The following MAP2 variants were observed in gnomAD, a reference collection of about 807,000 sequenced individuals.
The protein encoded by MAP2 is microtubule associated protein 2.
Under a neutral mutation model 137.6 loss-of-function variants are expected in MAP2, and 14 were observed. The ratio of observed to expected loss-of-function variants is 0.10; its 90% CI spans 0.07 to 0.16. MAP2 has a LOEUF of 0.16. MAP2 is among the 10% of genes least tolerant of loss of function. The pLI is 1.00. For missense variants in MAP2, 2,088 were observed against 2,191.5 expected (o/e 0.95, Z 0.94); for synonymous variants, 786 against 782.3 (o/e 1.00, Z -0.08).
chr2:209,693,148 A>G lies in MAP2; in HGVS notation c.978A>G (p.Leu326=). ...PFQGGSFTLP[L]DVMKNEIVTE... The stretch of plus-strand genomic sequence containing the variant: ...AAGGGGGAAGCTTCACTCTTCCTTT[A>G]GATGTCATGAAGAATGAAATAGTTA... The change falls in exon 8 of 16, where the codon TTA becomes TTG. Residue 326 remains leucine, a synonymous_variant. Transcript: ENST00000682079. 1 of 1,611,060 alleles carries G rather than the reference A, an allele frequency of 6.2e-7. No homozygotes were observed. Among genetic ancestry groups the G allele is most frequent in the Non-Finnish European group, 8.5e-7 (1 of 1,179,070 alleles).
intron 2 of MAP2, among the ~76,000 whole-genome samples, chr2:209,511,115 A>G (rs1053828374): frequency 6.6e-6 from 1 of 152,144 alleles, no homozygotes; most frequent in Non-Finnish European, 1.5e-5. Flanking sequence ...TGTGCTAGCT[A>G]GTGTAGATAT....
chr2:209,461,598 T>C (rs1443207474), intron 1 of MAP2, among the ~76,000 whole-genome samples: 1 of 151,942 alleles, frequency 6.6e-6, no homozygotes, highest in East Asian at 1.9e-4. Flanking sequence ...TGGGAGCATG[T>C]GCCACCATGT....
At chr2:209,636,737 T>C (rs1487316534) in intron 4 of MAP2, among the ~76,000 whole-genome samples, 5 of 152,220 alleles carry the variant, frequency 3.3e-5, no homozygotes, top group African/African-American at 7.2e-5. Context: ...AAATTCTTCA[T>C]TGAAATACTA....
At chr2:209,676,338 C>T (rs1197021846) in intron 5 of MAP2, among the ~76,000 whole-genome samples, 1 of 151,734 alleles carries the variant, frequency 6.6e-6, no homozygotes, top group Non-Finnish European at 1.5e-5. Context: ...GATGAGAACA[C>T]ATGGACACAT....
intron 13 of MAP2, among the ~76,000 whole-genome samples, chr2:209,720,884 G>T (rs1040730459): frequency 6.6e-6 from 1 of 151,042 alleles, no homozygotes; most frequent in Non-Finnish European, 1.5e-5. Flanking sequence ...CCTTCCCAAA[G>T]AAATAAATAT....
chr2:209,686,767 C>A (rs1392462957), intron 7 of MAP2, among the ~76,000 whole-genome samples: 1 of 152,078 alleles, frequency 6.6e-6, no homozygotes, highest in Non-Finnish European at 1.5e-5. Flanking sequence ...AGAGTAGTTA[C>A]TTTAGCATTT....
chr2:209,694,326 G>C lies in MAP2; in HGVS notation c.2156G>C (p.Gly719Ala). 1.9e-6 allele frequency: 3 copies of C among 1,614,080 alleles called. No individual in the cohort carries two copies. Among genetic ancestry groups the C allele is most frequent in the African/African-American group, 2.7e-5 (2 of 75,020 alleles). Reference sequence around the variant, plus strand: ...TCCATAGCCCTTGGATTTAACTTTGGTCGGGGACATGATCTTTCTCCTCTG... The same window carrying C: ...TCCATAGCCCTTGGATTTAACTTTGCTCGGGGACATGATCTTTCTCCTCTG... ...LDSIALGFNFGRGHDLSPLAS... is the reference protein window; with the variant it reads ...LDSIALGFNFARGHDLSPLAS... The change falls in exon 8 of 16, where the codon GGT (glycine) becomes GCT (alanine). Residue 719 changes from glycine to alanine, a missense_variant. By Grantham distance (60) the Gly-to-Ala change is moderately conservative (BLOSUM62 0). Coordinates refer to ENST00000682079, the MANE Select transcript of MAP2 (RefSeq NM_001375505.1).
At chr2:209,490,122 T>A (rs1475031576) in intron 1 of MAP2, among the ~76,000 whole-genome samples, 1 of 152,122 alleles carries the variant, frequency 6.6e-6, no homozygotes, top group Non-Finnish European at 1.5e-5. Context: ...GGGGAAAATA[T>A]TCAACATTCT....
At chr2:209,550,515 T>G (rs1177587434) in intron 2 of MAP2, among the ~76,000 whole-genome samples, 1 of 152,138 alleles carries the variant, frequency 6.6e-6, no homozygotes, top group Non-Finnish European at 1.5e-5. Context: ...ACACTTGATA[T>G]TTACTCTAAA....
intron 2 of MAP2, among the ~76,000 whole-genome samples, chr2:209,539,188 A>C (rs288095): frequency 0.058 from 8,811 of 152,270 alleles, 412 homozygotes; most frequent in African/African-American, 0.13. Flanking sequence ...GATTATTTTT[A>C]AAGTTACCTT....
At chr2:209,674,795 A>G (rs1308533504) in intron 5 of MAP2, among the ~76,000 whole-genome samples, 1 of 151,926 alleles carries the variant, frequency 6.6e-6, no homozygotes, top group East Asian at 1.9e-4. Context: ...TTTGTTTGGA[A>G]CATTTACCAT....
intron 1 of MAP2, among the ~76,000 whole-genome samples, chr2:209,486,103 C>A (rs996346477): frequency 6.6e-6 from 1 of 152,188 alleles, no homozygotes; most frequent in Admixed American, 6.5e-5. Context: ...ACCTTGTTGA[C>A]AACTTCTTCA....
At position 209,641,560 on chromosome 2, in the gene MAP2, G is replaced by A. The variant is rs571824534; in HGVS notation, c.-29-11582G>A. ...GGTTTAGCATCATGTCCAAGTTTAC[G>A]TATCTAGTAAGCGGTAGACCCAGGA... is the stretch of plus-strand genomic sequence containing the variant. On this transcript the variant is annotated intron_variant, in intron 4 of 15. Coordinates refer to ENST00000682079, the MANE Select transcript of MAP2 (RefSeq NM_001375505.1). Among the ~76,000 whole-genome samples, 32 of 150,808 alleles carry A rather than the reference G, an allele frequency of 2.1e-4. No homozygotes were observed. The East Asian group carries it at 3.9e-3, about 18-fold the overall frequency.
In MAP2 at chr2:209,731,705, A is replaced by G. The variant is rs192256255; in HGVS notation, c.*1308A>G. ...GAAACATGTTTTCTCATTTTTCCAA[A>G]TAGTATCTGTTTATTAAATTCTCTA... On this transcript the variant is annotated 3_prime_UTR_variant, in exon 16 of 16. Coordinates refer to ENST00000682079, the MANE Select transcript of MAP2 (RefSeq NM_001375505.1). 3.0e-3 allele frequency: 450 copies of G among 152,510 alleles called. 2 individuals are homozygous for G. Among genetic ancestry groups the G allele is most frequent in the African/African-American group, 0.01 (423 of 41,554 alleles). 9.4% of individuals were successfully genotyped at this position (152,510 alleles called of 1,614,324 possible). A position where few individuals can be genotyped will look rare whatever the true frequency, so the allele number is the denominator to read the frequency against.
At chr2:209,532,206 C>T (rs2065215532) in intron 2 of MAP2, among the ~76,000 whole-genome samples, 1 of 146,052 alleles carries the variant, frequency 6.8e-6, no homozygotes, top group Admixed American at 7.0e-5. Flanking sequence ...TCACTACACA[C>T]CAGCCTAGGT....
intron 1 of MAP2, among the ~76,000 whole-genome samples, chr2:209,449,231 T>G (rs1250512480): frequency 6.6e-6 from 1 of 152,212 alleles, no homozygotes; most frequent in Non-Finnish European, 1.5e-5. Context: ...TGGACCATAG[T>G]AGGTGCTTAG....
chr2:209,688,595 TG>T (rs2057869828), intron 7 of MAP2, among the ~76,000 whole-genome samples: 1 of 152,112 alleles, frequency 6.6e-6, no homozygotes, highest in African/African-American at 2.4e-5. Flanking sequence ...TGGACTAAAA[TG>T]AAGGAAATGA....
intron 3 of MAP2, among the ~76,000 whole-genome samples, chr2:209,611,079 C>A (rs924299194): frequency 2.0e-5 from 3 of 152,100 alleles, no homozygotes; most frequent in Admixed American, 2.0e-4. Flanking sequence ...AATATTTGGT[C>A]ACTTTTTATA....
chr2:209,490,849 G>C (rs1217634777), intron 1 of MAP2, among the ~76,000 whole-genome samples: 1 of 151,892 alleles, frequency 6.6e-6, no homozygotes, highest in East Asian at 1.9e-4. Context: ...CACAATAATA[G>C]TGGGAGACTT....
Sources: gnomAD v4.1 joint callset for allele counts (sites outside exome capture counted in the v4.1 genomes callset) on GRCh38, gnomAD v4.1.1 for gene constraint, MANE v1.5 for transcripts, NCBI Gene and HGNC (gene_info 2026-07-23, HGNC 2026-07-21) for gene names.